SEC14L4: variants seen among roughly 807,000 people sequenced by gnomAD.
SEC14L4 encodes SEC14 like lipid binding 4, also known as SEC14-like protein 4.
SEC14L4 carries 42 observed loss-of-function variants against 55.1 expected under a neutral mutation model. The observed-to-expected ratio is 0.76, with a 90% CI of 0.60 to 0.99. The LOEUF is 0.99. SEC14L4 is among the 50% of genes least tolerant of loss of function. SEC14L4 has a pLI of 0.00. For missense variants in SEC14L4, 445 were observed against 512.1 expected (o/e 0.87, Z 1.27); for synonymous variants, 206 against 206.8 (o/e 1.00, Z 0.03).
chr22:30,498,022 T>C (rs76540116), intron 2 of SEC14L4, among the ~76,000 whole-genome samples: 1,633 of 152,162 alleles, frequency 0.011, 25 homozygotes, highest in African/African-American at 0.037. Context: ...ACTTCAGAGA[T>C]TTTAAGATTT....
At chr22:30,495,699 A>T (rs749532609) in intron 3 of SEC14L4, 57 bp from the exon 4 acceptor site, 1 of 1,611,854 alleles carries the variant, frequency 6.2e-7, no homozygotes. Flanking sequence ...ACACCAGGCT[A>T]GGTCCCTCTG....
Position 30,489,985 on chromosome 22 carries a change from A to G in SEC14L4, c.*122T>C. 6.4e-7 allele frequency: 1 copy of G among 1,556,730 alleles called. No individual in the cohort carries two copies. Among genetic ancestry groups the G allele is most frequent in the Non-Finnish European group, 8.7e-7 (1 of 1,149,458 alleles). ...CCAGGTGAGCCTACAATGAGATGAA[A>G]TGGTGACGTGGGACAAGTGGCTCTC... is the stretch of plus-strand genomic sequence containing the variant. On this transcript the variant is annotated 3_prime_UTR_variant, in exon 12 of 12. Transcript: ENST00000255858.
Position 30,489,987 on chromosome 22 carries a change from G to A in SEC14L4, c.*120C>T. The A allele has an allele frequency of 3.2e-6, 5 of 1,556,928 alleles. No individual in the cohort carries two copies. The highest frequency in any genetic ancestry group is 4.3e-6 in the Non-Finnish European group (5 of 1,149,536). On this transcript the variant is annotated 3_prime_UTR_variant, in exon 12 of 12. Coordinates refer to ENST00000255858, the MANE Select transcript of SEC14L4 (RefSeq NM_174977.4). ...AGGTGAGCCTACAATGAGATGAAATGGTGACGTGGGACAAGTGGCTCTCTG... is the reference window on the plus strand; with the variant it reads ...AGGTGAGCCTACAATGAGATGAAATAGTGACGTGGGACAAGTGGCTCTCTG...
chr22:30,496,304 G>A (rs771919087), intron 2 of SEC14L4, among the ~76,000 whole-genome samples: 10 of 150,402 alleles, frequency 6.6e-5, no homozygotes, highest in Non-Finnish European at 1.2e-4. Flanking sequence ...TTTTTTTTTG[G>A]TAGAGATAGG....
rs374331336 is a variant in SEC14L4 at position 30,491,584 on chromosome 22, T to C, written c.1070A>G (p.Gln357Arg). ...VPEDGSLTCL[Q>R]AGVYVLRFDN... ...CCCGCAGCTCTTACAGACGCCAGCC[T>C]GGAGGCAGGTGAGGCTCCCATCCTC... The change falls in exon 11 of 12, where the codon CAG becomes CGG. Residue 357 changes from glutamine to arginine, a missense_variant. Coordinates refer to ENST00000255858, the MANE Select transcript of SEC14L4 (RefSeq NM_174977.4). The C allele has an allele frequency of 3.1e-6, 5 of 1,614,096 alleles. No individual in the cohort carries two copies. Among genetic ancestry groups the C allele is most frequent in the East Asian group, 4.5e-5 (2 of 44,874 alleles).
At position 30,495,990 on chromosome 22, in the gene SEC14L4, A is replaced by T. The variant is rs1291496621; in HGVS notation, c.131-19T>A. The T allele has an allele frequency of 6.2e-7, 1 of 1,612,814 alleles. No individual in the cohort carries two copies. Among genetic ancestry groups the T allele is most frequent in the Non-Finnish European group, 8.5e-7 (1 of 1,179,038 alleles). ...TTTCGAGCTGCAAGAAGAGGAGGTA[A>T]ATAGAAGCTCAAGGCTAGATCCAGA... On this transcript the variant is annotated intron_variant, in intron 2 of 11. Transcript: ENST00000255858.
In SEC14L4 at chr22:30,489,963, G is replaced by A. The variant is rs1935896457; in HGVS notation, c.*144C>T. ...CCCTTCCTGCTTGGCCACTGTGCCA[G>A]GTGAGCCTACAATGAGATGAAATGG... On this transcript the variant is annotated 3_prime_UTR_variant, in exon 12 of 12. Transcript: ENST00000255858. 6.4e-7 allele frequency: 1 copy of A among 1,552,740 alleles called. No homozygotes were observed. Among genetic ancestry groups the A allele is most frequent in the Admixed American group, 2.0e-5 (1 of 51,042 alleles).
intron 2 of SEC14L4, among the ~76,000 whole-genome samples, chr22:30,501,866 TATATATATAC>T (rs1936337899): frequency 2.1e-5 from 3 of 143,272 alleles, no homozygotes; most frequent in South Asian, 2.2e-4. Flanking sequence ...TATATATATA[TATATATATAC>T]ATACACATAC....
At chr22:30,502,829 G>A (rs953001158) in intron 2 of SEC14L4, among the ~76,000 whole-genome samples, 1 of 151,208 alleles carries the variant, frequency 6.6e-6, no homozygotes, top group Admixed American at 6.6e-5. Context: ...GGGACTATAA[G>A]TGTGAGCCAT....
In SEC14L4 at chr22:30,502,825, A is replaced by G. The variant is rs192913591; in HGVS notation, c.130+852T>C. Among the ~76,000 whole-genome samples, 41 of 151,794 alleles carry G rather than the reference A, an allele frequency of 2.7e-4. No homozygotes were observed. The East Asian group carries it at 7.9e-3, about 29-fold the overall frequency. On this transcript the variant is annotated intron_variant, in intron 2 of 11. Transcript: ENST00000255858. ...CTCAGCCTCCCAAAGCACTGGGACT[A>G]TAAGTGTGAGCCATCGCATCTGGCT...
Position 30,489,663 on chromosome 22 carries a change from A to T in SEC14L4, c.*444T>A. 2 of 615,288 alleles carry T rather than the reference A, an allele frequency of 3.3e-6. No individual in the cohort carries two copies. Among genetic ancestry groups the T allele is most frequent in the Non-Finnish European group, 5.8e-6 (2 of 345,312 alleles). The allele number at this position is 615,288 out of a possible 1,614,324, so 38.1% of individuals were successfully genotyped here. A position where few individuals can be genotyped will look rare whatever the true frequency, so the allele number is the denominator to read the frequency against. ...CTGCCCACCCCTGCTGACCTCCTAC[A>T]TGCAGAGAACAGGGCTTCTCTGCTC... On this transcript the variant is annotated 3_prime_UTR_variant, in exon 12 of 12. Coordinates refer to ENST00000255858, the MANE Select transcript of SEC14L4 (RefSeq NM_174977.4).
Position 30,505,618 on chromosome 22 carries a change from CG to C in SEC14L4, c.-8del. On this transcript the variant is annotated 5_prime_UTR_variant, in exon 1 of 12. Transcript: ENST00000255858. ...CCCCGACTCGGCTGCTCATGGTGCC[CG>C]CGGGCGCAGAAAGGCTCAGGGCGCA... is the stretch of plus-strand genomic sequence containing the variant. 1 of 1,552,686 alleles carries C rather than the reference CG, an allele frequency of 6.4e-7. No homozygotes were observed. The highest frequency in any genetic ancestry group is 8.7e-7 in the Non-Finnish European group (1 of 1,153,938).
rs1394386561 is a variant in SEC14L4, at chr22:30,490,235, A to T, written c.1093T>A (p.Phe365Ile). The change falls in exon 12 of 12, where the codon TTC (phenylalanine) becomes ATC (isoleucine). Residue 365 changes from phenylalanine (F) to isoleucine (I), a missense_variant. Phe to Ile is a conservative substitution (Grantham distance 21, BLOSUM62 0). Coordinates refer to ENST00000255858, the MANE Select transcript of SEC14L4 (RefSeq NM_174977.4). ...CLQAGVYVLR[F>I]DNTYSRMHAK... ...TGCATCCGGCTGTAGGTGTTGTCGA[A>T]GCGCAGGACATCTGCAGTGATGGAG... The T allele has an allele frequency of 1.2e-6, 2 of 1,613,528 alleles. No homozygotes were observed. Among genetic ancestry groups the T allele is most frequent in the Admixed American group, 3.3e-5 (2 of 60,030 alleles).
At position 30,503,716 on chromosome 22, in the gene SEC14L4, G is replaced by A. The variant is rs1386240926; in HGVS notation, c.91C>T (p.Pro31Ser). Residue 31 changes from proline to serine, a missense_variant, in exon 2 of 12, where the codon CCC becomes TCC. Coordinates refer to ENST00000255858, the MANE Select transcript of SEC14L4 (RefSeq NM_174977.4). ...AGGAGGAAGTAGTCATCAGCATTGG[G>A]CAGTATGGGCAGCAGGTCCTGGAGG... ...ENLQDLLPIL[P>S]NADDYFLLRW... is the part of the protein sequence containing the mutation. 1.2e-6 allele frequency: 2 copies of A among 1,612,418 alleles called. No individual in the cohort carries two copies. The highest frequency in any genetic ancestry group is 1.7e-6 in the Non-Finnish European group (2 of 1,178,928).
At chr22:30,495,871 C>A in intron 3 of SEC14L4, 57 bp downstream of exon 3, 1 of 1,595,556 alleles carries the variant, frequency 6.3e-7, no homozygotes, top group Non-Finnish European at 8.6e-7. Context: ...CCTTTTGCAG[C>A]AAATCCCTGG....
At chr22:30,504,178 C>T (rs1190782062) in intron 1 of SEC14L4, among the ~76,000 whole-genome samples, 2 of 151,990 alleles carry the variant, frequency 1.3e-5, no homozygotes, top group Non-Finnish European at 2.9e-5. Flanking sequence ...CCAGCTCAGA[C>T]TCCCAAGTAG....
chr22:30,504,836 G>A (rs1936440843), intron 1 of SEC14L4, among the ~76,000 whole-genome samples: 1 of 152,070 alleles, frequency 6.6e-6, no homozygotes, highest in African/African-American at 2.4e-5. Flanking sequence ...GAAATATGAG[G>A]CCGGGCGCAG....
rs780851666 is a variant in SEC14L4, at chr22:30,495,543, G to C, written c.234+40C>G. The C allele has an allele frequency of 4.3e-6, 7 of 1,611,956 alleles. No homozygotes were observed. In the South Asian group the frequency reaches 6.6e-5, roughly 15 times the overall value. On this transcript the variant is annotated intron_variant, in intron 4 of 11. Transcript: ENST00000255858. ...GGTAGGTGGGAGATGTCAGGGGTGA[G>C]GGGCCTCAGATGGCCTGGGGGATGC...
At chr22:30,505,523 C>T (rs1168649631) in intron 1 of SEC14L4, 35 bp downstream of exon 1, 1 of 1,549,550 alleles carries the variant, frequency 6.5e-7, no homozygotes, top group Non-Finnish European at 8.7e-7. Flanking sequence ...GCTCAGGGCC[C>T]CTCCTCAAGC....
Sources: gnomAD v4.1 joint callset for allele counts (sites outside exome capture counted in the v4.1 genomes callset) on GRCh38, gnomAD v4.1.1 for gene constraint, MANE v1.5 for transcripts, NCBI Gene and HGNC (gene_info 2026-07-23, HGNC 2026-07-21) for gene names.